Variants in THAP12 observed in about 807,000 individuals in gnomAD.
THAP12 encodes the protein THAP domain containing 12.
In THAP12, 20 loss-of-function variants were observed where a neutral mutation model predicts 63.0. The observed-to-expected ratio is 0.32, with a 90% CI of 0.22 to 0.46. The LOEUF (loss-of-function observed/expected upper bound fraction) is 0.46, where lower values mean the gene tolerates loss of function less well. THAP12 is among the 20% of genes least tolerant of loss of function. The probability of loss-of-function intolerance (pLI) is 1.00; values close to 1 mark genes in which losing one functional copy is unlikely to be tolerated. For missense variants in THAP12, 568 were observed against 908.2 expected (o/e 0.63, Z 4.81); for synonymous variants, 264 against 328.4 (o/e 0.80, Z 2.12).
At chr11:76,357,685 A>G (rs1205316483) in intron 3 of THAP12, 1 of 152,200 alleles carries the variant, frequency 6.6e-6, no homozygotes, top group Non-Finnish European at 1.5e-5. Flanking sequence ...GTATCTCTTA[A>G]TAACATTTAA....
intron 1 of THAP12, among the ~76,000 whole-genome samples, chr11:76,369,775 G>A (rs1011235332): frequency 4.6e-5 from 7 of 152,250 alleles, no homozygotes; most frequent in Non-Finnish European, 1.0e-4. Flanking sequence ...AACACGGCAC[G>A]TGTTGCCACA....
intron 3 of THAP12, chr11:76,359,285 A>G (rs1352189713): frequency 6.6e-6 from 1 of 152,132 alleles, no homozygotes; most frequent in Admixed American, 6.5e-5. Context: ...AAAAACTAGT[A>G]TTTAGTTTTG....
intron 2 of THAP12, among the ~76,000 whole-genome samples, chr11:76,361,839 A>C (rs962124461): frequency 2.0e-5 from 3 of 152,224 alleles, no homozygotes; most frequent in Admixed American, 6.5e-5. Context: ...ACATGTTTTT[A>C]ACACATACTA....
chr11:76,351,831 A>G lies in THAP12; in HGVS notation c.1319T>C (p.Leu440Pro). The change falls in exon 5 of 5, where the codon CTC (leucine) becomes CCC (proline). Residue 440 changes from leucine (L) to proline (P), a missense_variant. Physicochemically the swap from Leu to Pro is moderately conservative, Grantham distance 98 (BLOSUM62 -3). Transcript: ENST00000260045. ...RHDAFEILVE[L>P]LQALVLCLDG... ...TAAACATAAAACAAGTGCTTGCAGG[A>G]GTTCCACTAAAATTTCAAAAGCATC... is the stretch of plus-strand genomic sequence containing the variant. 1 of 1,601,474 alleles carries G rather than the reference A, an allele frequency of 6.2e-7. No homozygotes were observed. Among genetic ancestry groups the G allele is most frequent in the Non-Finnish European group, 8.5e-7 (1 of 1,174,070 alleles).
intron 1 of THAP12, chr11:76,368,418 G>C (rs1946647210): frequency 6.6e-6 from 1 of 152,204 alleles, no homozygotes; most frequent in Non-Finnish European, 1.5e-5. Flanking sequence ...CAGTAAGTTT[G>C]TGAGAGAGAG....
At chr11:76,361,799 GTTATC>G (rs1241669864) in intron 2 of THAP12, among the ~76,000 whole-genome samples, 1 of 152,160 alleles carries the variant, frequency 6.6e-6, no homozygotes, top group Non-Finnish European at 1.5e-5. Context: ...ATGATCTGAT[GTTATC>G]TTATGTTTTT....
intron 1 of THAP12, among the ~76,000 whole-genome samples, chr11:76,372,407 T>TAAA (rs11429874): frequency 6.9e-6 from 1 of 145,792 alleles, no homozygotes. Context: ...GAATTGCTTC[T>TAAA]AAAAAAAAAA....
chr11:76,364,262 T>C, intron 2 of THAP12: 1 of 221,474 alleles, frequency 4.5e-6, no homozygotes, highest in South Asian at 4.6e-5. Context: ...TTGATCATTA[T>C]TACCCTTTTA....
chr11:76,379,128 C>A (rs1946731603), intron 1 of THAP12, among the ~76,000 whole-genome samples: 2 of 152,310 alleles, frequency 1.3e-5, no homozygotes, highest in Non-Finnish European at 1.5e-5. Flanking sequence ...ACCTGGCCAA[C>A]ATAGATTTTT....
At chr11:76,371,872 G>A (rs569919229) in intron 1 of THAP12, among the ~76,000 whole-genome samples, 1 of 142,544 alleles carries the variant, frequency 7.0e-6, no homozygotes, top group South Asian at 2.2e-4. Flanking sequence ...GAGTGCAGTG[G>A]CACAATCTTG....
At chr11:76,358,477 C>T (rs952506041) in intron 3 of THAP12, 2 of 152,068 alleles carry the variant, frequency 1.3e-5, no homozygotes, top group Non-Finnish European at 2.9e-5. Flanking sequence ...CTATTAAATA[C>T]ATGCAATGAA....
At position 76,350,080 on chromosome 11, in the gene THAP12, T is replaced by C. The variant is rs1305369923; in HGVS notation, c.*784A>G. 6.5e-6 allele frequency: 1 copy of C among 152,802 alleles called. No individual in the cohort carries two copies. The highest frequency in any genetic ancestry group is 2.4e-5 in the African/African-American group (1 of 41,464). 9.5% of individuals were successfully genotyped at this position (152,802 alleles called of 1,614,324 possible). A position where few individuals can be genotyped will look rare whatever the true frequency, so the allele number is the denominator to read the frequency against. On this transcript the variant is annotated 3_prime_UTR_variant, in exon 5 of 5. Coordinates refer to ENST00000260045, the MANE Select transcript of THAP12 (RefSeq NM_004705.4). ...AAACCACAACACTTATTTTGTAGGT[T>C]TTCCAGGTTTTGCTTATAAATCAAG...
chr11:76,372,624 G>A (rs1590806484), intron 1 of THAP12, among the ~76,000 whole-genome samples: 3 of 151,658 alleles, frequency 2.0e-5, no homozygotes, highest in Admixed American at 2.0e-4. Context: ...GGGCATGGTG[G>A]CTCATAATAC....
At chr11:76,355,833 T>C (rs745601773) in intron 3 of THAP12, 179 bp from the exon 4 acceptor site, 1 of 484,846 alleles carries the variant, frequency 2.1e-6, no homozygotes, top group East Asian at 3.2e-5. Flanking sequence ...AAAACCAGAA[T>C]AAGCTGTTAA....
intron 1 of THAP12, among the ~76,000 whole-genome samples, chr11:76,368,023 A>G (rs966715728): frequency 6.6e-6 from 1 of 152,258 alleles, no homozygotes; most frequent in African/African-American, 2.4e-5. Flanking sequence ...AATATTAAGT[A>G]TAAAAACGAT....
intron 2 of THAP12, among the ~76,000 whole-genome samples, chr11:76,361,948 A>G (rs1431379333): frequency 6.6e-6 from 1 of 152,226 alleles, no homozygotes; most frequent in Non-Finnish European, 1.5e-5. Flanking sequence ...TGCAAATGCT[A>G]ATCTAGGTAT....
chr11:76,371,810 C>CTT (rs71036086), intron 1 of THAP12, among the ~76,000 whole-genome samples: 863 of 65,704 alleles, frequency 0.013, 21 homozygotes, highest in African/African-American at 0.05. Flanking sequence ...TTTAACTTTT[C>CTT]TTTTTTTTTT....
intron 1 of THAP12, among the ~76,000 whole-genome samples, chr11:76,375,390 CT>C (rs533659659): frequency 8.2e-3 from 1,091 of 132,766 alleles, no homozygotes; most frequent in Middle Eastern, 0.016. Flanking sequence ...AAGACTTAGG[CT>C]TTTTTTTTTT....
At chr11:76,361,629 A>C (rs1287009622) in intron 2 of THAP12, among the ~76,000 whole-genome samples, 1 of 152,162 alleles carries the variant, frequency 6.6e-6, no homozygotes, top group African/African-American at 2.4e-5. Flanking sequence ...TTTCTGAATA[A>C]AATTCTGGTA....
Sources: allele counts gnomAD v4.1 joint callset (sites outside exome capture counted in the v4.1 genomes callset), GRCh38; gene constraint gnomAD v4.1.1; transcripts MANE v1.5; gene names NCBI Gene and HGNC (gene_info 2026-07-23, HGNC 2026-07-21).